Variants in RHCE observed in about 807,000 individuals in gnomAD.
RHCE encodes blood group Rh(CE) polypeptide.
Under a neutral mutation model 43.8 loss-of-function variants are expected in RHCE, and 22 were observed. That is an observed-to-expected ratio of 0.50 (90% CI 0.36 to 0.72). RHCE has a LOEUF of 0.72. RHCE is among the 30% of genes least tolerant of loss of function. The pLI is 0.00. For missense variants in RHCE, 385 were observed against 525.4 expected (o/e 0.73, Z 2.61); for synonymous variants, 156 against 210.7 (o/e 0.74, Z 2.25).
intron 7 of RHCE, among the ~76,000 whole-genome samples, chr1:25,381,024 C>G (rs1032784296): frequency 6.6e-6 from 1 of 151,580 alleles, no homozygotes. Flanking sequence ...GCCTCAGCCT[C>G]CCATGTAGCT....
intron 1 of RHCE, among the ~76,000 whole-genome samples, chr1:25,416,822 G>T (rs900450208): frequency 1.3e-5 from 2 of 148,876 alleles, no homozygotes; most frequent in East Asian, 2.0e-4. Flanking sequence ...GAGATGGCGG[G>T]GGGGGGTCTC....
At chr1:25,405,477 AC>A (rs1280708584) in intron 2 of RHCE, among the ~76,000 whole-genome samples, 1 of 151,904 alleles carries the variant, frequency 6.6e-6, no homozygotes, top group Non-Finnish European at 1.5e-5. Context: ...ACCTGGTGAA[AC>A]CCCGTCTCTA....
At chr1:25,384,520 GCA>G (rs772749246) in intron 7 of RHCE, among the ~76,000 whole-genome samples, 2 of 152,090 alleles carry the variant, frequency 1.3e-5, no homozygotes, top group African/African-American at 4.8e-5. Context: ...GCTTAGAATT[GCA>G]CAGTTATTAA....
Position 25,408,733 on chromosome 1 carries a change from G to A in RHCE, c.285C>T (p.Asp95=), listed in dbSNP as rs141017649. 105 of 1,282,240 alleles carry A rather than the reference G, an allele frequency of 8.2e-5. 16 individuals carry two copies. The African/African-American group carries it at 1.2e-3, about 14-fold the overall frequency. 79.4% of individuals were successfully genotyped at this position (1,282,240 alleles called of 1,614,324 possible). ...ALGVQWAILL[D]GFLSQFPPGK... is the part of the protein sequence containing the mutation. ...CAGGAGGGAACTGGCTCAGGAAGCC[G>A]TCCAGCAGGATTGCCCACTGCACAC... The change falls in exon 2 of 10, where the codon GAC becomes GAT. Residue 95 remains aspartate, a synonymous_variant. Coordinates refer to ENST00000294413, the MANE Select transcript of RHCE (RefSeq NM_020485.8).
chr1:25,382,218 G>A (rs1290767849), intron 7 of RHCE, among the ~76,000 whole-genome samples: 2 of 148,064 alleles, frequency 1.4e-5, no homozygotes, highest in Non-Finnish European at 2.9e-5. Flanking sequence ...TGAATTGAAG[G>A]ATTAAGTTTC....
chr1:25,393,483 T>C (rs1646443329), intron 3 of RHCE, among the ~76,000 whole-genome samples: 1 of 152,150 alleles, frequency 6.6e-6, no homozygotes, highest in African/African-American at 2.4e-5. Flanking sequence ...TAGCCAGGCG[T>C]GGTGATGCTT....
At chr1:25,374,208 C>T (rs1216263834) in intron 8 of RHCE, among the ~76,000 whole-genome samples, 4 of 151,568 alleles carry the variant, frequency 2.6e-5, no homozygotes, top group African/African-American at 9.7e-5. Flanking sequence ...CCTGCCTCAG[C>T]CTCCCAAGTA....
intron 6 of RHCE, among the ~76,000 whole-genome samples, chr1:25,388,617 T>A (rs1646257862): frequency 6.6e-6 from 1 of 151,972 alleles, no homozygotes; most frequent in Admixed American, 6.6e-5. Context: ...AGGAAGCAGG[T>A]CTATAGAGTA....
At chr1:25,423,425 C>T (rs72887425), upstream of RHCE, among the ~76,000 whole-genome samples, 777 of 152,310 alleles carry the variant, frequency 5.1e-3, 5 homozygotes, top group African/African-American at 0.018. Context: ...GCATGTTTAC[C>T]AGCTGGCAAA....
At position 25,371,980 on chromosome 1, in the gene RHCE, TG is replaced by T. The variant is rs796554165; in HGVS notation, c.1154-1441del. 8.6e-5 allele frequency among the ~76,000 whole-genome samples: 13 copies of T among 151,552 alleles called. 2 individuals are homozygous for T. Among genetic ancestry groups the T allele is most frequent in the African/African-American group, 2.4e-4 (10 of 40,936 alleles). ...GCTTGAATTACTCAGTAATGATCTC[TG>T]GCGCCTGCATGAATTTTCCAGATAG... On this transcript the variant is annotated intron_variant, in intron 8 of 9. Transcript: ENST00000294413.
Position 25,388,979 on chromosome 1 carries a change from C to T in RHCE, c.936G>A (p.Leu312=). The change falls in exon 6 of 10, where the codon CTG becomes CTA. Residue 312 remains leucine, a synonymous_variant. Coordinates refer to ENST00000294413, the MANE Select transcript of RHCE (RefSeq NM_020485.8). ...GLISIGGAKC[L]PVCCNRVLGI... ...CATTAGTTGTCTAGTTTCTTACCGGCAGGCACTTGGCTCCCCCGATGGAGA... is the reference window on the plus strand; with the variant it reads ...CATTAGTTGTCTAGTTTCTTACCGGTAGGCACTTGGCTCCCCCGATGGAGA... 6.2e-7 allele frequency: 1 copy of T among 1,614,242 alleles called. No homozygotes were observed. The highest frequency in any genetic ancestry group is 8.5e-7 in the Non-Finnish European group (1 of 1,180,038).
chr1:25,421,298 G>C (rs910775005), upstream of RHCE, among the ~76,000 whole-genome samples: 66 of 152,308 alleles, frequency 4.3e-4, no homozygotes, highest in Middle Eastern at 3.4e-3. Flanking sequence ...GCAAAGAATG[G>C]AGCTGAGCCC....
chr1:25,380,682 A>T (rs1645965737), intron 7 of RHCE, among the ~76,000 whole-genome samples: 1 of 152,130 alleles, frequency 6.6e-6, no homozygotes, highest in Admixed American at 6.5e-5. Context: ...CACAGCTGGG[A>T]TGGCTGAGGA....
chr1:25,421,620 C>G (rs2042761136), upstream of RHCE, among the ~76,000 whole-genome samples: 1 of 152,206 alleles, frequency 6.6e-6, no homozygotes, highest in African/African-American at 2.4e-5. Flanking sequence ...CTGGACAGTC[C>G]AGTCCCCTGG....
intron 2 of RHCE, among the ~76,000 whole-genome samples, chr1:25,427,011 T>C (rs1214800788): frequency 6.6e-6 from 1 of 151,154 alleles, no homozygotes; most frequent in Non-Finnish European, 1.5e-5. Flanking sequence ...GAGCTGAGAA[T>C]GCACCACTGC....
Position 25,370,487 on chromosome 1 carries a change from C to G in RHCE, c.1207G>C (p.Asp403His), listed in dbSNP as rs1645574277. The part of the protein sequence containing the change: ...WKAPHVAKYF[D>H]DQVFWKFPHL... Reference sequence around the variant, plus strand: ...CTTACCTTCCAGAAAACTTGGTCATCAAAATATTTAGCCACATGAGGTGCT... The same window carrying G: ...CTTACCTTCCAGAAAACTTGGTCATGAAAATATTTAGCCACATGAGGTGCT... Residue 403 changes from aspartate to histidine, a missense_variant, in exon 9 of 10, where the codon GAT becomes CAT. Asp to His is a moderately conservative substitution (Grantham distance 81, BLOSUM62 -1). Coordinates refer to ENST00000294413, the MANE Select transcript of RHCE (RefSeq NM_020485.8). 1 of 1,612,490 alleles carries G rather than the reference C, an allele frequency of 6.2e-7. No homozygotes were observed. Among genetic ancestry groups the G allele is most frequent in the East Asian group, 2.2e-5 (1 of 44,798 alleles).
upstream of RHCE, among the ~76,000 whole-genome samples, chr1:25,423,028 G>C (rs2042779031): frequency 1.3e-5 from 2 of 152,062 alleles, no homozygotes; most frequent in African/African-American, 4.8e-5. Context: ...CTGGGGGTTG[G>C]GGACCCCCAG....
At chr1:25,392,966 C>T (rs1646426981) in intron 3 of RHCE, among the ~76,000 whole-genome samples, 1 of 152,128 alleles carries the variant, frequency 6.6e-6, no homozygotes, top group Non-Finnish European at 1.5e-5. Flanking sequence ...GGAATTTTAA[C>T]TCTGCAGGAG....
chr1:25,371,743 GA>G (rs1437320759), intron 8 of RHCE, among the ~76,000 whole-genome samples: 1 of 151,472 alleles, frequency 6.6e-6, no homozygotes, highest in South Asian at 2.1e-4. Flanking sequence ...GAAGCTGGCT[GA>G]ATTTCACAGG....
Sources: allele counts gnomAD v4.1 joint callset (sites outside exome capture counted in the v4.1 genomes callset), GRCh38; gene constraint gnomAD v4.1.1; transcripts MANE v1.5; gene names NCBI Gene and HGNC (gene_info 2026-07-23, HGNC 2026-07-21).